Variants in XPNPEP3 observed in about 807,000 individuals in gnomAD.
XPNPEP3 encodes the protein xaa-Pro aminopeptidase 3.
In XPNPEP3, 41 loss-of-function variants were observed where a neutral mutation model predicts 60.0. That is an observed-to-expected ratio of 0.68 (90% confidence interval 0.53 to 0.89). The LOEUF (loss-of-function observed/expected upper bound fraction) is 0.89. Ranked by LOEUF, XPNPEP3 falls within the 40% of genes least tolerant of loss-of-function variation. The probability of loss-of-function intolerance (pLI) is 0.00; values close to 1 mark genes in which losing one functional copy is unlikely to be tolerated. For missense variants in XPNPEP3, 598 were observed against 638.9 expected, an observed-to-expected ratio of 0.94 and a Z score of 0.69; for synonymous variants, 212 against 223.2, an observed-to-expected ratio of 0.95 and a Z score of 0.45.
At position 40,860,157 on chromosome 22, in the gene XPNPEP3, A is replaced by C. The variant is rs181969282; in HGVS notation, c.64+2912A>C. ...AATGGCAAGATCATAGCTCCCTACAACCTCAAACTCCTGGGCTCAAGCAAT... is the reference window on the plus strand; with the variant it reads ...AATGGCAAGATCATAGCTCCCTACACCCTCAAACTCCTGGGCTCAAGCAAT... On this transcript the variant is annotated intron_variant, in intron 1 of 9. Coordinates refer to ENST00000357137, the MANE Select transcript of XPNPEP3 (RefSeq NM_022098.4). 2.3e-3 allele frequency: 352 copies of C among 152,252 alleles called. 3 individuals are homozygous for C. The highest frequency in any genetic ancestry group is 7.8e-3 in the African/African-American group (325 of 41,506). 9.4% of individuals were successfully genotyped at this position (152,252 alleles called of 1,614,324 possible). A position where few individuals can be genotyped will look rare whatever the true frequency, so the allele number is the denominator to read the frequency against.
At chr22:40,895,619 G>A (rs977626679) in intron 4 of XPNPEP3, among the ~76,000 whole-genome samples, 1 of 152,032 alleles carries the variant, frequency 6.6e-6, no homozygotes, top group African/African-American at 2.4e-5. Flanking sequence ...ACAGGCATGA[G>A]CCACCGCACC....
rs2058249922 is a variant in XPNPEP3 at position 40,930,186 on chromosome 22, G to A, written c.*3751G>A. ...GCTCTGTCACCCAGGCTGGAGTGCA[G>A]TGGCACGATCTTGGCTCACTGCAAC... is the stretch of plus-strand genomic sequence containing the variant. On this transcript the variant is annotated 3_prime_UTR_variant, in exon 10 of 10. Coordinates refer to ENST00000357137, the MANE Select transcript of XPNPEP3 (RefSeq NM_022098.4). 1 of 148,348 alleles carries A rather than the reference G, an allele frequency of 6.7e-6. No individual in the cohort carries two copies. Among genetic ancestry groups the A allele is most frequent in the South Asian group, 2.1e-4 (1 of 4,722 alleles). 9.2% of individuals were successfully genotyped at this position (148,348 alleles called of 1,614,324 possible).
At chr22:40,892,239 C>G (rs530899275) in intron 4 of XPNPEP3, among the ~76,000 whole-genome samples, 1 of 152,112 alleles carries the variant, frequency 6.6e-6, no homozygotes, top group East Asian at 1.9e-4. Context: ...GGCTGGAGAG[C>G]AGTGGCACAG....
chr22:40,900,757 CAT>C (rs966583500), intron 4 of XPNPEP3, among the ~76,000 whole-genome samples: 4 of 152,104 alleles, frequency 2.6e-5, no homozygotes, highest in African/African-American at 9.6e-5. Flanking sequence ...GGCAAAACCC[CAT>C]CTCTATGAAA....
At position 40,931,782 on chromosome 22, in the gene XPNPEP3, G is replaced by A. The variant is rs1358670049; in HGVS notation, c.*5347G>A. 1 of 152,114 alleles carries A rather than the reference G, an allele frequency of 6.6e-6. No homozygotes were observed. The highest frequency in any genetic ancestry group is 1.5e-5 in the Non-Finnish European group (1 of 68,034). 9.4% of individuals were successfully genotyped at this position (152,114 alleles called of 1,614,324 possible). On this transcript the variant is annotated 3_prime_UTR_variant, in exon 10 of 10. Coordinates refer to ENST00000357137, the MANE Select transcript of XPNPEP3 (RefSeq NM_022098.4). ...ATCATAGTATCCACGTTAGGAAAATGCTTCTGAGAGTAACTTAAAGTACTG... is the reference window on the plus strand; with the variant it reads ...ATCATAGTATCCACGTTAGGAAAATACTTCTGAGAGTAACTTAAAGTACTG...
intron 2 of XPNPEP3, among the ~76,000 whole-genome samples, chr22:40,872,657 G>A (rs1469318208): frequency 1.3e-5 from 2 of 151,862 alleles, no homozygotes; most frequent in Non-Finnish European, 2.9e-5. Context: ...CACCATGTTG[G>A]CCAGGCTAGT....
intron 2 of XPNPEP3, among the ~76,000 whole-genome samples, chr22:40,879,774 G>C (rs1041586579): frequency 6.6e-6 from 1 of 152,100 alleles, no homozygotes; most frequent in Non-Finnish European, 1.5e-5. Context: ...CCGGGAAGTC[G>C]GAGGGTGCAG....
chr22:40,921,805 A>G, intron 7 of XPNPEP3, among the ~76,000 whole-genome samples: 1 of 152,138 alleles, frequency 6.6e-6, no homozygotes. Context: ...ACAGTATGTG[A>G]GAATACATAT....
chr22:40,888,305 A>G, intron 4 of XPNPEP3: 1 of 273,636 alleles, frequency 3.7e-6, no homozygotes. Flanking sequence ...GTGCAGTAGC[A>G]TGATCACAGC....
At chr22:40,907,420 C>CAA in intron 4 of XPNPEP3, among the ~76,000 whole-genome samples, 167 bp from the exon 5 acceptor site, 1 of 138,652 alleles carries the variant, frequency 7.2e-6, no homozygotes, top group East Asian at 2.1e-4. Flanking sequence ...GACTCCGTCT[C>CAA]AAAAAAAAAA....
chr22:40,909,610 C>T (rs1027934054), intron 6 of XPNPEP3, among the ~76,000 whole-genome samples: 1 of 151,796 alleles, frequency 6.6e-6, no homozygotes, highest in African/African-American at 2.4e-5. Context: ...ACTAAAAATA[C>T]AAAAATTAGC....
At chr22:40,870,247 G>T in intron 2 of XPNPEP3, 1 of 277,588 alleles carries the variant, frequency 3.6e-6, no homozygotes. Context: ...AGTTTTACCA[G>T]CTTTGAAAAT....
intron 4 of XPNPEP3, among the ~76,000 whole-genome samples, chr22:40,893,337 G>GT (rs1569023846): frequency 6.7e-6 from 1 of 149,954 alleles, no homozygotes; most frequent in African/African-American, 2.4e-5. Context: ...GAGAAACCCA[G>GT]TCTCTACTAA....
intron 1 of XPNPEP3, among the ~76,000 whole-genome samples, chr22:40,865,229 G>A (rs534344197): frequency 2.0e-5 from 3 of 151,790 alleles, no homozygotes; most frequent in South Asian, 2.1e-4. Context: ...TGCTAAAATC[G>A]CCAGGGTCTC....
intron 2 of XPNPEP3, among the ~76,000 whole-genome samples, chr22:40,869,667 G>T (rs2057995763): frequency 6.6e-6 from 1 of 152,176 alleles, no homozygotes; most frequent in Non-Finnish European, 1.5e-5. Flanking sequence ...AAATGATAAA[G>T]GTTTGTTTTA....
intron 7 of XPNPEP3, among the ~76,000 whole-genome samples, chr22:40,916,137 C>G (rs980126820): frequency 6.6e-6 from 1 of 151,752 alleles, no homozygotes; most frequent in African/African-American, 2.4e-5. Flanking sequence ...ACTAAAAATA[C>G]AAAAATTAGC....
At position 40,909,108 on chromosome 22, in the gene XPNPEP3, G is replaced by A. The variant is rs1311898830; in HGVS notation, c.856-14G>A. On this transcript the variant is annotated splice_polypyrimidine_tract_variant and intron_variant, in intron 5 of 9. Coordinates refer to ENST00000357137, the MANE Select transcript of XPNPEP3 (RefSeq NM_022098.4). ...CAGAAACCCTTTGTCATACCTTGCTGTTGTTTTTCACAGTTTGAATTTGAA... is the reference window on the plus strand; with the variant it reads ...CAGAAACCCTTTGTCATACCTTGCTATTGTTTTTCACAGTTTGAATTTGAA... 3.1e-5 allele frequency: 50 copies of A among 1,613,446 alleles called. No individual in the cohort carries two copies. The highest frequency in any genetic ancestry group is 4.5e-5 in the East Asian group (2 of 44,894).
intron 4 of XPNPEP3, among the ~76,000 whole-genome samples, chr22:40,892,723 G>A (rs985743370): frequency 4.6e-5 from 7 of 152,098 alleles, no homozygotes; most frequent in African/African-American, 1.7e-4. Context: ...CCAGGCTTAC[G>A]TCATATGAGT....
intron 1 of XPNPEP3, chr22:40,861,930 G>T: frequency 6.2e-7 from 1 of 1,613,194 alleles, no homozygotes; most frequent in South Asian, 1.1e-5. Flanking sequence ...TTTATGATAA[G>T]CTTTTTTAAT....
Sources: gnomAD v4.1 joint callset for allele counts (sites outside exome capture counted in the v4.1 genomes callset) on GRCh38, gnomAD v4.1.1 for gene constraint, MANE v1.5 for transcripts, NCBI Gene and HGNC (gene_info 2026-07-23, HGNC 2026-07-21) for gene names.